CD86: variants seen among roughly 807,000 people sequenced by gnomAD.
CD86 encodes CD86 molecule.
In CD86, 11 loss-of-function variants were observed where a neutral mutation model predicts 32.1. The observed-to-expected ratio is 0.34, with a 90% CI of 0.22 to 0.57. CD86 has a LOEUF of 0.57. Among genes scored for constraint, CD86 ranks in the 20% least tolerant of loss-of-function variants. The pLI, the probability that CD86 is intolerant of heterozygous loss-of-function variation, is 0.86. For synonymous variants in CD86, 137 were observed against 135.3 expected (o/e 1.01, Z -0.09); for missense variants, 359 against 398.4 (o/e 0.90, Z 0.84).
chr3:122,106,120 G>T lies in CD86; in HGVS notation c.401-78G>T, dbSNP rs568634560. On this transcript the variant is annotated intron_variant, in intron 3 of 6. Transcript: ENST00000330540. ...TGTGCCCCAATGAGCCCCAGATCAA[G>T]TACCCAGTTATTTGCTATTCCCTCC... 104 of 1,132,284 alleles carry T rather than the reference G, an allele frequency of 9.2e-5. 1 individual carries two copies. The South Asian group carries it at 1.6e-3, about 17-fold the overall frequency. 70.1% of individuals were successfully genotyped at this position (1,132,284 alleles called of 1,614,324 possible).
intron 4 of CD86, among the ~76,000 whole-genome samples, chr3:122,106,959 G>T (rs1220881062): frequency 6.6e-6 from 1 of 151,772 alleles, no homozygotes; most frequent in Non-Finnish European, 1.5e-5. Flanking sequence ...AAAACAAAAA[G>T]ATATGACACC....
intron 4 of CD86, 86 bp from the exon 5 acceptor site, chr3:122,109,179 G>A: frequency 7.2e-7 from 1 of 1,389,370 alleles, no homozygotes; most frequent in Non-Finnish European, 9.9e-7. Context: ...GGGAGAGGCT[G>A]GCAGGTAAAT....
At chr3:122,057,616 A>T (rs1221650382) in intron 1 of CD86, among the ~76,000 whole-genome samples, 5 of 152,248 alleles carry the variant, frequency 3.3e-5, no homozygotes, top group South Asian at 2.1e-4. Context: ...TTTAAGATTT[A>T]AAAAAAACAA....
chr3:122,080,773 G>C (rs1576766454), intron 1 of CD86, among the ~76,000 whole-genome samples: 1 of 152,222 alleles, frequency 6.6e-6, no homozygotes, highest in Admixed American at 6.5e-5. Flanking sequence ...GCCTAAGCTA[G>C]AAGGAGACAT....
intron 4 of CD86, among the ~76,000 whole-genome samples, chr3:122,107,567 C>A (rs144018838): frequency 2.8e-3 from 425 of 152,316 alleles, no homozygotes; most frequent in Non-Finnish European, 4.9e-3. Flanking sequence ...GCAAGATTCC[C>A]TCCTGGAATA....
At chr3:122,116,183 C>G (rs2073247573) in intron 5 of CD86, among the ~76,000 whole-genome samples, 1 of 152,132 alleles carries the variant, frequency 6.6e-6, no homozygotes, top group Non-Finnish European at 1.5e-5. Context: ...TGTTCTTTGA[C>G]TTTGTTTAAA....
chr3:122,073,521 G>A (rs1417678240), intron 1 of CD86, among the ~76,000 whole-genome samples: 1 of 152,008 alleles, frequency 6.6e-6, no homozygotes, highest in Middle Eastern at 3.2e-3. Context: ...AAGGAGGAAG[G>A]GTTTTAAAAA....
intron 5 of CD86, among the ~76,000 whole-genome samples, chr3:122,115,344 A>G (rs2073233698): frequency 6.6e-6 from 1 of 152,196 alleles, no homozygotes; most frequent in South Asian, 2.1e-4. Flanking sequence ...CAATATTACT[A>G]CTGGAGAAAT....
chr3:122,070,232 T>A (rs2072470868), intron 1 of CD86, among the ~76,000 whole-genome samples: 1 of 152,188 alleles, frequency 6.6e-6, no homozygotes, highest in Non-Finnish European at 1.5e-5. Context: ...GGGTCCTAGT[T>A]TCTGGGTTCA....
intron 4 of CD86, among the ~76,000 whole-genome samples, chr3:122,108,961 C>A (rs1283612376): frequency 6.6e-6 from 1 of 152,154 alleles, no homozygotes; most frequent in Non-Finnish European, 1.5e-5. Flanking sequence ...GACACCTCAC[C>A]CAGATTCCAG....
chr3:122,084,136 G>A (rs1331602034), intron 1 of CD86, among the ~76,000 whole-genome samples: 2 of 152,112 alleles, frequency 1.3e-5, no homozygotes, highest in African/African-American at 4.8e-5. Context: ...ACAGGTGCCC[G>A]CCACTATGCC....
intron 1 of CD86, among the ~76,000 whole-genome samples, chr3:122,072,759 CT>C (rs1321758720): frequency 2.0e-5 from 3 of 152,112 alleles, no homozygotes; most frequent in Middle Eastern, 3.2e-3. Flanking sequence ...TCAATTTTGG[CT>C]TTGGTTGCCA....
At chr3:122,073,461 C>A (rs1319799411) in intron 1 of CD86, among the ~76,000 whole-genome samples, 1 of 152,076 alleles carries the variant, frequency 6.6e-6, no homozygotes, top group Non-Finnish European at 1.5e-5. Flanking sequence ...TTTCCCCAAT[C>A]TTTGGCGTGT....
intron 1 of CD86, among the ~76,000 whole-genome samples, chr3:122,086,963 C>A (rs1272117992): frequency 2.0e-5 from 3 of 152,186 alleles, no homozygotes; most frequent in Non-Finnish European, 4.4e-5. Flanking sequence ...CTCAGCTGTA[C>A]CATTTACTAG....
At chr3:122,060,082 C>A (rs2072310226) in intron 1 of CD86, among the ~76,000 whole-genome samples, 1 of 152,158 alleles carries the variant, frequency 6.6e-6, no homozygotes. Context: ...CAAACTAATA[C>A]ACTTGGTGAG....
Position 122,104,857 on chromosome 3 carries a change from C to T in CD86, c.400+1010C>T, listed in dbSNP as rs2073066508. Among the ~76,000 whole-genome samples, 4 of 152,108 alleles carry T rather than the reference C, an allele frequency of 2.6e-5. No homozygotes were observed. The South Asian group carries it at 8.3e-4, about 32-fold the overall frequency. ...ACATTGGGTTGTTTCTGGTTTGGGG[C>T]TCTTATGAATAAGGCTGCTGTAAAC... On this transcript the variant is annotated intron_variant, in intron 3 of 6. Transcript: ENST00000330540.
intron 1 of CD86, among the ~76,000 whole-genome samples, chr3:122,090,884 C>T (rs2072806279): frequency 1.3e-5 from 2 of 152,184 alleles, no homozygotes; most frequent in Admixed American, 6.5e-5. Context: ...ATTGTCATCA[C>T]CTTATGTTGT....
chr3:122,103,897 C>T lies in CD86; in HGVS notation c.400+50C>T, dbSNP rs148848334. On this transcript the variant is annotated intron_variant, in intron 3 of 6. Transcript: ENST00000330540. ...AGATTCTTAGCCTTCTCAGATGAGA[C>T]TGCAAATGAGTTAGAAAAACACTGG... is the stretch of plus-strand genomic sequence containing the variant. 2.6e-4 allele frequency: 372 copies of T among 1,440,682 alleles called. 2 individuals carry two copies. In the East Asian group the frequency reaches 6.4e-3, roughly 25 times the overall value. The allele number at this position is 1,440,682 out of a possible 1,614,324, so 89.2% of individuals were successfully genotyped here.
At chr3:122,110,695 C>T (rs938470667) in intron 5 of CD86, among the ~76,000 whole-genome samples, 4 of 152,088 alleles carry the variant, frequency 2.6e-5, no homozygotes, top group Non-Finnish European at 2.9e-5. Context: ...GAGTGTGCTG[C>T]GAGATTTCTA....
Sources: gnomAD v4.1 joint callset for allele counts (sites outside exome capture counted in the v4.1 genomes callset) on GRCh38, gnomAD v4.1.1 for gene constraint, MANE v1.5 for transcripts, NCBI Gene and HGNC (gene_info 2026-07-23, HGNC 2026-07-21) for gene names.